Variants in VWC2 observed in about 807,000 individuals in gnomAD.
VWC2 encodes the protein von Willebrand factor C domain containing 2.
A neutral mutation model predicts 29.8 loss-of-function variants in VWC2; 14 were observed. That is an observed-to-expected ratio of 0.47 (90% CI 0.31 to 0.74). The LOEUF (loss-of-function observed/expected upper bound fraction) is 0.74, where lower values mean the gene tolerates loss of function less well. Ranked by LOEUF, VWC2 falls within the 30% of genes least tolerant of loss-of-function variation. The pLI is 0.05. For synonymous variants in VWC2, 213 were observed against 199.0 expected, an observed-to-expected ratio of 1.07 and a Z score of -0.59; for missense variants, 457 against 459.8, an observed-to-expected ratio of 0.99 and a Z score of 0.05.
intron 3 of VWC2, among the ~76,000 whole-genome samples, chr7:49,829,990 T>C (rs1023376705): frequency 6.6e-6 from 1 of 152,268 alleles, no homozygotes; most frequent in Non-Finnish European, 1.5e-5. Context: ...TCTCTATTGC[T>C]GCTTAGGAAG....
intron 3 of VWC2, among the ~76,000 whole-genome samples, chr7:49,846,464 G>A (rs768410172): frequency 1.1e-4 from 16 of 152,086 alleles, no homozygotes; most frequent in Admixed American, 9.2e-4. Flanking sequence ...TCACTTCCAC[G>A]TCTTTGCATA....
intron 3 of VWC2, among the ~76,000 whole-genome samples, chr7:49,834,814 A>G (rs1241802592): frequency 6.6e-6 from 1 of 152,216 alleles, no homozygotes; most frequent in Non-Finnish European, 1.5e-5. Flanking sequence ...ACATGGGGAC[A>G]GGAAATTTGG....
chr7:49,911,119 A>C (rs1202070039), intron 3 of VWC2, among the ~76,000 whole-genome samples: 3 of 152,178 alleles, frequency 2.0e-5, no homozygotes, highest in Non-Finnish European at 4.4e-5. Flanking sequence ...AGAATTAATT[A>C]AACGAAATGG....
At chr7:49,790,045 T>C (rs1383355520) in intron 2 of VWC2, among the ~76,000 whole-genome samples, 12 of 152,218 alleles carry the variant, frequency 7.9e-5, no homozygotes, top group Non-Finnish European at 4.4e-5. Context: ...GTCTGAACCA[T>C]CAGCAAAGAA....
intron 3 of VWC2, among the ~76,000 whole-genome samples, chr7:49,863,553 T>C (rs545646350): frequency 5.5e-4 from 83 of 152,260 alleles, no homozygotes; most frequent in African/African-American, 1.9e-3. Flanking sequence ...TGCCTCAGCC[T>C]CCCAAGTAGC....
intron 3 of VWC2, among the ~76,000 whole-genome samples, chr7:49,884,250 C>T (rs2128728137): frequency 6.6e-6 from 1 of 152,334 alleles, no homozygotes; most frequent in Admixed American, 6.5e-5. Context: ...ATGAAGATAG[C>T]AAATGGGTGC....
intron 2 of VWC2, among the ~76,000 whole-genome samples, chr7:49,801,553 C>T (rs1788738259): frequency 1.3e-5 from 2 of 152,220 alleles, no homozygotes; most frequent in African/African-American, 4.8e-5. Context: ...TTGGGAATGG[C>T]TGGTATGCTT....
intron 3 of VWC2, among the ~76,000 whole-genome samples, chr7:49,877,321 G>A (rs1189903175): frequency 6.7e-6 from 1 of 150,186 alleles, no homozygotes; most frequent in East Asian, 2.0e-4. Context: ...AATTAGCTGG[G>A]CGTGGTGGCA....
At chr7:49,866,707 G>A (rs1045784013) in intron 3 of VWC2, among the ~76,000 whole-genome samples, 1 of 152,238 alleles carries the variant, frequency 6.6e-6, no homozygotes, top group African/African-American at 2.4e-5. Flanking sequence ...GAAAGAGGCA[G>A]TAACATACAA....
rs1430105167 is a variant in VWC2, at chr7:49,775,806, C to A, written c.371C>A (p.Ala124Asp). ...GACACCCCGCAGGCGGAAGCCCTGGCCGCAGCCGCCCAGGACGCGATTGGC... is the reference window on the plus strand; with the variant it reads ...GACACCCCGCAGGCGGAAGCCCTGGACGCAGCCGCCCAGGACGCGATTGGC... ...RGDTPQAEAL[A>D]AAAQDAIGPE... Residue 124 changes from alanine (A) to aspartate (D), a missense_variant, in exon 2 of 4, where the codon GCC (alanine) becomes GAC (aspartate). Physicochemically the swap from Ala to Asp is moderately radical, Grantham distance 126. Around this residue, in one of 2 missense-constraint regions of VWC2, gnomAD observed 272 missense variants for 202.7 expected, o/e 1.34. Coordinates refer to ENST00000340652, the MANE Select transcript of VWC2 (RefSeq NM_198570.5). The A allele has an allele frequency of 1.3e-6, 2 of 1,537,450 alleles. No individual in the cohort carries two copies. The highest frequency in any genetic ancestry group is 1.2e-5 in the South Asian group (1 of 82,784).
At chr7:49,853,762 C>T (rs691953) in intron 3 of VWC2, among the ~76,000 whole-genome samples, 8,152 of 151,874 alleles carry the variant, frequency 0.054, 725 homozygotes, top group African/African-American at 0.19. Context: ...ATGTGCACAA[C>T]GTGCAGGTTT....
intron 3 of VWC2, among the ~76,000 whole-genome samples, chr7:49,854,214 C>T (rs1790320733): frequency 6.6e-6 from 1 of 152,118 alleles, no homozygotes; most frequent in Non-Finnish European, 1.5e-5. Context: ...ATTTATAATC[C>T]TTTGGATATA....
chr7:49,775,509 C>T lies in VWC2; in HGVS notation c.74C>T (p.Ala25Val), dbSNP rs776997918. 5.7e-5 allele frequency: 89 copies of T among 1,570,338 alleles called. No individual in the cohort carries two copies. The Admixed American group carries it at 5.8e-4, about 10-fold the overall frequency. The change falls in exon 2 of 4, where the codon GCT (alanine) becomes GTT (valine). Residue 25 changes from alanine (A) to valine (V), a missense_variant. Ala to Val is a moderately conservative substitution (Grantham distance 64, BLOSUM62 0). Transcript: ENST00000340652. ...SLLVTCCLMVALCSPSIPLEK... is the reference protein window; with the variant it reads ...SLLVTCCLMVVLCSPSIPLEK... Reference sequence around the variant, plus strand: ...CTGGTCACCTGCTGCCTGATGGTGGCTCTGTGCAGTCCGAGCATCCCGCTG... The same window carrying T: ...CTGGTCACCTGCTGCCTGATGGTGGTTCTGTGCAGTCCGAGCATCCCGCTG...
At chr7:49,872,892 G>C in intron 3 of VWC2, among the ~76,000 whole-genome samples, 1 of 103,938 alleles carries the variant, frequency 9.6e-6, no homozygotes, top group East Asian at 3.0e-4. Context: ...CTCCAGCCTG[G>C]GAGACAGAGC....
At chr7:49,910,415 G>T (rs1199537219) in intron 3 of VWC2, among the ~76,000 whole-genome samples, 1 of 152,278 alleles carries the variant, frequency 6.6e-6, no homozygotes, top group African/African-American at 2.4e-5. Flanking sequence ...CATTATCAAA[G>T]ATATTAGAAG....
intron 3 of VWC2, among the ~76,000 whole-genome samples, chr7:49,819,901 C>T (rs903992629): frequency 6.6e-6 from 1 of 152,224 alleles, no homozygotes; most frequent in East Asian, 1.9e-4. Flanking sequence ...AACACCATGT[C>T]CTATAAATAG....
At position 49,843,055 on chromosome 7, in the gene VWC2, C is replaced by T. The variant is rs1186635107; in HGVS notation, c.826+40215C>T. On this transcript the variant is annotated intron_variant, in intron 3 of 3. Coordinates refer to ENST00000340652, the MANE Select transcript of VWC2 (RefSeq NM_198570.5). Reference sequence around the variant, plus strand: ...GTTTGTTTTTCCCCTTCCCTTTCCCCGAGTCGCTGCATTGCCCTCCTGCTC... The same window carrying T: ...GTTTGTTTTTCCCCTTCCCTTTCCCTGAGTCGCTGCATTGCCCTCCTGCTC... Among the ~76,000 whole-genome samples the T allele has an allele frequency of 2.0e-5, 3 of 152,204 alleles. No homozygotes were observed. The East Asian group carries it at 5.8e-4, about 29-fold the overall frequency.
chr7:49,799,439 C>T (rs1448144933), intron 2 of VWC2, among the ~76,000 whole-genome samples: 1 of 152,234 alleles, frequency 6.6e-6, no homozygotes, highest in Non-Finnish European at 1.5e-5. Context: ...AGCAGGGCAC[C>T]TGGCTGGCAT....
At chr7:49,816,411 A>G (rs532167046) in intron 3 of VWC2, among the ~76,000 whole-genome samples, 1 of 152,320 alleles carries the variant, frequency 6.6e-6, no homozygotes, top group African/African-American at 2.4e-5. Context: ...CTAAGGAGAT[A>G]CATCAAAGGT....
Sources: gnomAD v4.1 joint callset for allele counts (sites outside exome capture counted in the v4.1 genomes callset) on GRCh38, gnomAD v4.1.1 for gene constraint, gnomAD v4.1.1 regional missense constraint, MANE v1.5 for transcripts, NCBI Gene and HGNC (gene_info 2026-07-23, HGNC 2026-07-21) for gene names.